PIP5K1B: variants seen among roughly 807,000 people sequenced by gnomAD.
PIP5K1B encodes the protein phosphatidylinositol 4-phosphate 5-kinase type-1 beta.
PIP5K1B carries 42 observed loss-of-function variants against 67.0 expected under a neutral mutation model. The ratio of observed to expected loss-of-function variants is 0.63; its 90% CI spans 0.49 to 0.81. The LOEUF is 0.81. Among genes scored for constraint, PIP5K1B ranks in the 30% least tolerant of loss-of-function variants. The pLI, the probability that PIP5K1B is intolerant of heterozygous loss-of-function variation, is 0.00. For synonymous variants in PIP5K1B, 214 were observed against 231.4 expected, an observed-to-expected ratio of 0.92 and a Z score of 0.68; for missense variants, 459 against 646.3, an observed-to-expected ratio of 0.71 and a Z score of 3.14.
At chr9:68,881,060 G>GCT (rs1824177851) in intron 6 of PIP5K1B, among the ~76,000 whole-genome samples, 1 of 152,202 alleles carries the variant, frequency 6.6e-6, no homozygotes, top group African/African-American at 2.4e-5. Flanking sequence ...GGAATCTGAA[G>GCT]CTGGGATCAG....
At chr9:68,873,281 C>CT (rs772335388) in intron 5 of PIP5K1B, among the ~76,000 whole-genome samples, 10,612 of 90,660 alleles carry the variant, frequency 0.12, 1,426 homozygotes, top group Non-Finnish European at 0.16. Context: ...ACTTTCTGAT[C>CT]TTTTTTTTTT....
chr9:68,954,898 T>A (rs918940334), intron 14 of PIP5K1B, among the ~76,000 whole-genome samples: 1 of 152,052 alleles, frequency 6.6e-6, no homozygotes, highest in African/African-American at 2.4e-5. Flanking sequence ...GATCTGTAAG[T>A]CCCCAGAGGT....
At chr9:68,747,566 AATTTT>A (rs1190596344) in intron 2 of PIP5K1B, among the ~76,000 whole-genome samples, 1 of 152,112 alleles carries the variant, frequency 6.6e-6, no homozygotes, top group African/African-American at 2.4e-5. Flanking sequence ...GCAGGCAACT[AATTTT>A]AGGAGAGTTG....
At chr9:68,991,300 A>T (rs1234054023) in intron 15 of PIP5K1B, 43 bp downstream of exon 15, 7 of 1,032,192 alleles carry the variant, frequency 6.8e-6, no homozygotes, top group African/African-American at 1.6e-5. Flanking sequence ...TCTGGTTTGT[A>T]AATGGATCCA....
intron 1 of PIP5K1B, among the ~76,000 whole-genome samples, chr9:68,715,134 G>A (rs1248126061): frequency 6.6e-6 from 1 of 152,182 alleles, no homozygotes; most frequent in Non-Finnish European, 1.5e-5. Flanking sequence ...GATAGATAAA[G>A]AAACATGACT....
chr9:68,749,235 A>G (rs540748850), intron 2 of PIP5K1B, among the ~76,000 whole-genome samples: 1 of 152,358 alleles, frequency 6.6e-6, no homozygotes, highest in African/African-American at 2.4e-5. Context: ...ATATTTTACA[A>G]GCATCCTAAT....
intron 14 of PIP5K1B, among the ~76,000 whole-genome samples, chr9:68,949,856 T>C (rs1005518473): frequency 3.3e-5 from 5 of 152,202 alleles, no homozygotes; most frequent in African/African-American, 1.2e-4. Flanking sequence ...ACTACTGGCT[T>C]GGTCAGAGCT....
chr9:68,787,715 C>A (rs1360403889), intron 2 of PIP5K1B, among the ~76,000 whole-genome samples: 1 of 152,102 alleles, frequency 6.6e-6, no homozygotes, highest in Non-Finnish European at 1.5e-5. Context: ...TCCCTGCAAC[C>A]TCCGCCTCCC....
chr9:68,972,961 A>G (rs1472515335), intron 14 of PIP5K1B, among the ~76,000 whole-genome samples: 1 of 152,208 alleles, frequency 6.6e-6, no homozygotes, highest in East Asian at 1.9e-4. Flanking sequence ...TGCCTTCCGA[A>G]GGCAAGCAGA....
intron 4 of PIP5K1B, among the ~76,000 whole-genome samples, chr9:68,823,185 G>A (rs575540806): frequency 5.3e-5 from 8 of 152,236 alleles, no homozygotes; most frequent in Non-Finnish European, 1.0e-4. Flanking sequence ...GATTAGCAAC[G>A]TTAATTTCCT....
intron 14 of PIP5K1B, among the ~76,000 whole-genome samples, chr9:68,971,250 T>G (rs2132826527): frequency 6.6e-6 from 1 of 152,272 alleles, no homozygotes; most frequent in South Asian, 2.1e-4. Context: ...CAGTGTTTGG[T>G]TTTCTGTTCT....
chr9:68,947,269 G>A (rs1326794168), intron 14 of PIP5K1B, among the ~76,000 whole-genome samples: 2 of 152,224 alleles, frequency 1.3e-5, no homozygotes, highest in Non-Finnish European at 2.9e-5. Context: ...GCTCTGCCAC[G>A]ATACCTGCTG....
intron 14 of PIP5K1B, among the ~76,000 whole-genome samples, chr9:68,990,204 C>T (rs1413999351): frequency 6.6e-6 from 1 of 152,142 alleles, no homozygotes; most frequent in Non-Finnish European, 1.5e-5. Context: ...CACTGCTACT[C>T]CAAGTGTGGT....
At chr9:68,887,144 G>A (rs1824517380) in intron 6 of PIP5K1B, among the ~76,000 whole-genome samples, 1 of 152,128 alleles carries the variant, frequency 6.6e-6, no homozygotes, top group African/African-American at 2.4e-5. Flanking sequence ...CTCTTTGCTG[G>A]TATTCTCTGC....
At chr9:68,926,439 T>A (rs915517239) in intron 12 of PIP5K1B, among the ~76,000 whole-genome samples, 1 of 152,244 alleles carries the variant, frequency 6.6e-6, no homozygotes, top group African/African-American at 2.4e-5. Flanking sequence ...GATTTTATTA[T>A]CTATTTTTTA....
chr9:68,893,763 C>G (rs897336594), intron 7 of PIP5K1B, among the ~76,000 whole-genome samples: 1 of 152,106 alleles, frequency 6.6e-6, no homozygotes, highest in South Asian at 2.1e-4. Flanking sequence ...AAAAAATGAG[C>G]AAAATTATCT....
intron 15 of PIP5K1B, among the ~76,000 whole-genome samples, chr9:68,996,541 G>A (rs145301152): frequency 2.8e-4 from 43 of 152,324 alleles, no homozygotes; most frequent in African/African-American, 7.9e-4. Context: ...TGAGCAGGCT[G>A]TATTGATTTA....
Position 68,914,584 on chromosome 9 carries a change from A to G in PIP5K1B, c.772-2964A>G, listed in dbSNP as rs191424593. 3.9e-3 allele frequency among the ~76,000 whole-genome samples: 599 copies of G among 152,102 alleles called. 6 individuals carry two copies. Among genetic ancestry groups the G allele is most frequent in the African/African-American group, 0.013 (536 of 41,500 alleles). ...CAAAAAATTAGCAAGGCGTGGTGGC[A>G]GGCGCCTGTAGTCCCAGCTACTCGG... On this transcript the variant is annotated intron_variant, in intron 8 of 15. Transcript: ENST00000265382.
At chr9:68,725,924 G>T (rs1828125476) in intron 1 of PIP5K1B, among the ~76,000 whole-genome samples, 1 of 152,182 alleles carries the variant, frequency 6.6e-6, no homozygotes, top group African/African-American at 2.4e-5. Context: ...AGTGCCTAAT[G>T]CTCTGCCTTG....
Sources: allele counts gnomAD v4.1 joint callset (sites outside exome capture counted in the v4.1 genomes callset), GRCh38; gene constraint gnomAD v4.1.1; transcripts MANE v1.5; gene names NCBI Gene and HGNC (gene_info 2026-07-23, HGNC 2026-07-21).